The following LINGO1 variants were observed in gnomAD, a reference collection of about 807,000 sequenced individuals.
The protein encoded by LINGO1 is leucine rich repeat and Ig domain containing 1.
LINGO1 carries 11 observed loss-of-function variants against 37.3 expected under a neutral mutation model. That is an observed-to-expected ratio of 0.29 (90% CI 0.19 to 0.49). The LOEUF (loss-of-function observed/expected upper bound fraction) is 0.49, where lower values mean the gene tolerates loss of function less well. Among genes scored for constraint, LINGO1 ranks in the 20% least tolerant of loss-of-function variants. The probability of loss-of-function intolerance (pLI) is 0.99; values close to 1 mark genes in which losing one functional copy is unlikely to be tolerated. For missense variants in LINGO1, 585 were observed against 878.2 expected (o/e 0.67, Z 4.22); for synonymous variants, 387 against 403.0 (o/e 0.96, Z 0.48).
intron 2 of LINGO1, among the ~76,000 whole-genome samples, chr15:77,686,425 G>A (rs1175018075): frequency 2.6e-5 from 4 of 152,240 alleles, no homozygotes; most frequent in African/African-American, 9.6e-5. Context: ...CCAGCATGCA[G>A]GCCTGGGGGA....
intron 1 of LINGO1, among the ~76,000 whole-genome samples, chr15:77,797,926 C>G (rs1003753337): frequency 5.3e-5 from 8 of 152,184 alleles, no homozygotes; most frequent in African/African-American, 1.4e-4. Flanking sequence ...TGCTTTGGGG[C>G]CAGGGTCTTC....
At chr15:77,817,935 T>C (rs1218475570) in intron 1 of LINGO1, among the ~76,000 whole-genome samples, 1 of 152,194 alleles carries the variant, frequency 6.6e-6, no homozygotes, top group Non-Finnish European at 1.5e-5. Flanking sequence ...GCCTGAAAGC[T>C]GATATTACCA....
At chr15:77,818,876 G>C (rs1390941167) in intron 1 of LINGO1, among the ~76,000 whole-genome samples, 1 of 150,690 alleles carries the variant, frequency 6.6e-6, no homozygotes, top group African/African-American at 2.4e-5. Context: ...CCCGCCAGAC[G>C]GCCCGGCCCG....
chr15:77,686,326 G>A (rs1422336171), intron 2 of LINGO1, among the ~76,000 whole-genome samples: 1 of 152,092 alleles, frequency 6.6e-6, no homozygotes, highest in African/African-American at 2.4e-5. Context: ...CCCTGCTCCC[G>A]CCGATGCTCA....
intron 2 of LINGO1, among the ~76,000 whole-genome samples, chr15:77,794,407 TGTGTATATACATAC>T (rs2076848507): frequency 1.7e-5 from 1 of 58,948 alleles, no homozygotes; most frequent in African/African-American, 6.9e-5. Flanking sequence ...TACGTATATA[TGTGTATATACATAC>T]GTATATGTAT....
chr15:77,688,444 G>C lies in LINGO1; in HGVS notation c.-99+2276C>G, dbSNP rs58690597. Among the ~76,000 whole-genome samples, 859 of 152,280 alleles carry C rather than the reference G, an allele frequency of 5.6e-3. 10 individuals are homozygous for C. The highest frequency in any genetic ancestry group is 0.02 in the African/African-American group (830 of 41,564). ...AGCCTCTTTCATTAGCTTCTGATAA[G>C]ATGGGGAGAGGGAGGGAAGAGGGCG... On this transcript the variant is annotated intron_variant, in intron 2 of 3. Transcript: ENST00000559893.
chr15:77,800,550 G>A (rs562639404), intron 1 of LINGO1, among the ~76,000 whole-genome samples: 1 of 152,290 alleles, frequency 6.6e-6, no homozygotes, highest in South Asian at 2.1e-4. Flanking sequence ...CTGCCGAGAG[G>A]AACAGACACA....
intron 2 of LINGO1, among the ~76,000 whole-genome samples, chr15:77,710,735 G>A (rs1027468363): frequency 1.3e-5 from 2 of 152,266 alleles, no homozygotes; most frequent in East Asian, 1.9e-4. Flanking sequence ...GAGGGAGGAC[G>A]GGGCGGCTGG....
At chr15:77,672,029 C>CTCCTCCTCT (rs2075259240) in intron 3 of LINGO1, among the ~76,000 whole-genome samples, 1 of 151,956 alleles carries the variant, frequency 6.6e-6, no homozygotes, top group African/African-American at 2.4e-5. Flanking sequence ...CCTCCTCCTC[C>CTCCTCCTCT]TCCTCCTGAG....
At chr15:77,779,814 G>C (rs531521063) in intron 1 of LINGO1, among the ~76,000 whole-genome samples, 40 of 152,288 alleles carry the variant, frequency 2.6e-4, no homozygotes, top group Non-Finnish European at 5.6e-4. Context: ...CATGATGACA[G>C]CCTCCCAGAT....
intron 1 of LINGO1, among the ~76,000 whole-genome samples, chr15:77,775,694 T>C (rs1049843648): frequency 6.6e-6 from 1 of 152,148 alleles, no homozygotes; most frequent in Admixed American, 6.5e-5. Flanking sequence ...GCCGAGGCTC[T>C]CCAGCCCACG....
chr15:77,642,144 A>C (rs575957902), intron 3 of LINGO1, among the ~76,000 whole-genome samples: 2 of 152,266 alleles, frequency 1.3e-5, no homozygotes, highest in African/African-American at 4.8e-5. Context: ...AGGGGCTCCT[A>C]ATTAGATCAG....
intron 1 of LINGO1, among the ~76,000 whole-genome samples, chr15:77,738,272 T>C (rs906415249): frequency 6.6e-6 from 1 of 152,118 alleles, no homozygotes; most frequent in Non-Finnish European, 1.5e-5. Context: ...AGCAGCACGA[T>C]GACGGAGAGA....
At chr15:77,793,816 C>A (rs139417175) in intron 2 of LINGO1, among the ~76,000 whole-genome samples, 4 of 152,228 alleles carry the variant, frequency 2.6e-5, no homozygotes, top group Middle Eastern at 3.2e-3. Context: ...CCAATTATGT[C>A]ATAAATACAT....
chr15:77,661,524 T>A (rs745717137), intron 3 of LINGO1, among the ~76,000 whole-genome samples: 1 of 152,220 alleles, frequency 6.6e-6, no homozygotes, highest in Non-Finnish European at 1.5e-5. Flanking sequence ...GACAGTGCCT[T>A]GCCAGTTCAT....
At chr15:77,709,911 G>C (rs2075897796) in intron 2 of LINGO1, among the ~76,000 whole-genome samples, 1 of 152,234 alleles carries the variant, frequency 6.6e-6, no homozygotes, top group Admixed American at 6.5e-5. Context: ...CACCCAGTGA[G>C]ACCCCACACG....
chr15:77,817,296 T>C (rs573886421), intron 1 of LINGO1, among the ~76,000 whole-genome samples: 7 of 152,244 alleles, frequency 4.6e-5, no homozygotes, highest in Admixed American at 6.5e-5. Context: ...GTGGCCACAA[T>C]AGCCACCAGA....
In LINGO1 at chr15:77,615,079, G is replaced by A. The variant is rs373315545; in HGVS notation, c.828C>T (p.Thr276=). 4.5e-5 allele frequency: 72 copies of A among 1,613,886 alleles called. No homozygotes were observed. The highest frequency in any genetic ancestry group is 6.7e-5 in the African/African-American group (5 of 74,924). Residue 276 remains threonine, a synonymous_variant, in exon 2 of 2, where the codon ACC becomes ACT. Transcript: ENST00000355300. ...GGCGGACGGCCAGGTAGGGCACAGC[G>A]GTCAGATTGCAGTGTGTGATGGACA... ...TSLSITHCNL[T]AVPYLAVRHL...
At chr15:77,757,847 G>A (rs899970231) in intron 1 of LINGO1, among the ~76,000 whole-genome samples, 6 of 152,178 alleles carry the variant, frequency 3.9e-5, no homozygotes, top group African/African-American at 1.4e-4. Context: ...CCAGGCATAG[G>A]CCCCCCATAA....
Sources: gnomAD v4.1 joint callset for allele counts (sites outside exome capture counted in the v4.1 genomes callset) on GRCh38, gnomAD v4.1.1 for gene constraint, MANE v1.5 for transcripts, NCBI Gene and HGNC (gene_info 2026-07-23, HGNC 2026-07-21) for gene names.